The following STARD9 variants were observed in gnomAD, a reference collection of about 807,000 sequenced individuals.
The protein encoded by STARD9 is StAR related lipid transfer domain containing 9.
Under a neutral mutation model 399.8 loss-of-function variants are expected in STARD9, and 346 were observed. That is an observed-to-expected ratio of 0.87 (90% confidence interval 0.79 to 0.95). The LOEUF (loss-of-function observed/expected upper bound fraction) is 0.95, where lower values mean the gene tolerates loss of function less well. Ranked by LOEUF, STARD9 falls within the 40% of genes least tolerant of loss-of-function variation. STARD9 has a pLI of 0.00. For missense variants in STARD9, 5,832 were observed against 5,667.5 expected (o/e 1.03, Z -0.93); for synonymous variants, 2,203 against 2,143.5 (o/e 1.03, Z -0.77).
intron 3 of STARD9, among the ~76,000 whole-genome samples, chr15:42,632,399 T>G (rs1219797578): frequency 1.3e-5 from 2 of 152,158 alleles, no homozygotes; most frequent in Non-Finnish European, 2.9e-5. Context: ...AACTCTGTCT[T>G]TTGATTGGAG....
chr15:42,649,928 G>T (rs544853572), intron 7 of STARD9, among the ~76,000 whole-genome samples: 2 of 146,718 alleles, frequency 1.4e-5, no homozygotes, highest in Non-Finnish European at 3.0e-5. Context: ...GTGCAATGGC[G>T]CGATCTCGAC....
intron 7 of STARD9, 52 bp from the exon 8 acceptor site, chr15:42,650,964 G>C (rs2059750539): frequency 1.5e-6 from 2 of 1,336,212 alleles, no homozygotes; most frequent in East Asian, 5.2e-5. Context: ...AAAGGTTAAA[G>C]TTTACCAAAA....
At chr15:42,609,504 A>G (rs867988896) in intron 3 of STARD9, among the ~76,000 whole-genome samples, 36 of 151,772 alleles carry the variant, frequency 2.4e-4, no homozygotes, top group Admixed American at 8.5e-4. Flanking sequence ...CAGTGGCACA[A>G]TCTTGACTCA....
intron 3 of STARD9, among the ~76,000 whole-genome samples, chr15:42,595,505 A>C (rs1212071524): frequency 6.6e-6 from 1 of 152,196 alleles, no homozygotes; most frequent in Non-Finnish European, 1.5e-5. Context: ...TATGACTGAC[A>C]AGATAGGACT....
At chr15:42,677,019 G>A (rs550235845) in intron 20 of STARD9, among the ~76,000 whole-genome samples, 5 of 150,684 alleles carry the variant, frequency 3.3e-5, no homozygotes, top group South Asian at 2.1e-4. Flanking sequence ...TTGGGAGGCC[G>A]AGGTGGGTGG....
intron 3 of STARD9, among the ~76,000 whole-genome samples, chr15:42,617,868 C>T (rs1334058663): frequency 6.6e-6 from 1 of 152,028 alleles, no homozygotes; most frequent in Non-Finnish European, 1.5e-5. Context: ...ATACTTCCAC[C>T]CCAGCCTCAG....
intron 10 of STARD9, 98 bp downstream of exon 10, chr15:42,661,323 A>G (rs1228349441): frequency 1.2e-6 from 1 of 864,534 alleles, no homozygotes; most frequent in Non-Finnish European, 1.8e-6. Context: ...AGTCATCCTG[A>G]GAGTATTACA....
intron 2 of STARD9, among the ~76,000 whole-genome samples, chr15:42,583,695 TG>T (rs1437477312): frequency 6.6e-6 from 1 of 152,178 alleles, no homozygotes; most frequent in Non-Finnish European, 1.5e-5. Flanking sequence ...TGGGATGTTT[TG>T]GGGGCAATAG....
chr15:42,592,548 A>T (rs1172239158), intron 3 of STARD9, among the ~76,000 whole-genome samples: 1 of 151,952 alleles, frequency 6.6e-6, no homozygotes, highest in Non-Finnish European at 1.5e-5. Context: ...GGTTTCTAGC[A>T]ATTCTCCTGC....
In STARD9 at chr15:42,601,004, G is replaced by C. The variant is rs1355323544; in HGVS notation, c.234+15367G>C. Among the ~76,000 whole-genome samples the C allele has an allele frequency of 3.3e-5, 5 of 152,154 alleles. No individual in the cohort carries two copies. The East Asian group carries it at 7.7e-4, about 23-fold the overall frequency. On this transcript the variant is annotated intron_variant, in intron 3 of 32. Transcript: ENST00000290607. ...GAGGTCTCTGGTTTTACTAGGCAGA[G>C]AGCCCTGCCGCCTTCAGCAGTGTTT...
At chr15:42,708,762 C>G (rs1166253125) in intron 26 of STARD9, among the ~76,000 whole-genome samples, 1 of 151,656 alleles carries the variant, frequency 6.6e-6, no homozygotes, top group African/African-American at 2.4e-5. Flanking sequence ...TGTGAAAACC[C>G]GATCGTCATG....
At chr15:42,606,380 G>C (rs912144830) in intron 3 of STARD9, among the ~76,000 whole-genome samples, 5 of 152,210 alleles carry the variant, frequency 3.3e-5, no homozygotes, top group African/African-American at 4.8e-5. Flanking sequence ...AAAAGACCAA[G>C]AGTCATGAAT....
rs2060717243 is a variant in STARD9 at position 42,691,930 on chromosome 15, G to A, written c.10352G>A (p.Cys3451Tyr). 2.6e-6 allele frequency: 4 copies of A among 1,537,128 alleles called. No individual in the cohort carries two copies. Among genetic ancestry groups the A allele is most frequent in the African/African-American group, 1.4e-5 (1 of 73,040 alleles). Residue 3451 changes from cysteine (C) to tyrosine (Y), a missense_variant, in exon 23 of 33, where the codon TGC becomes TAC. Coordinates refer to ENST00000290607, the MANE Select transcript of STARD9 (RefSeq NM_020759.3). ...LGVQVRPENW[C>Y]SQMDKGMLHF... ...GTCCAGGTTAGGCCAGAAAATTGGT[G>A]CTCTCAGATGGACAAAGGAATGCTG...
rs768951035 is a variant in STARD9, at chr15:42,638,035, G to A, written c.394G>A (p.Val132Ile). Residue 132 changes from valine (V) to isoleucine (I), a missense_variant, in exon 6 of 33, where the codon GTC becomes ATC. Physicochemically the swap from Val to Ile is conservative, Grantham distance 29 (BLOSUM62 3). This residue lies in a region of STARD9 where 5,828 missense variants were observed against 5,651.1 expected (regional missense o/e 1.03). Transcript: ENST00000290607. ...CCTCTGGTTTGTGCAGGGTCTCTTC[G>A]TCAGGGAGAAAGACTGTGCCTCACT... Reference protein sequence around the residue: ...LTPRICEGLFVREKDCASLPS... With the variant: ...LTPRICEGLFIREKDCASLPS... The A allele has an allele frequency of 1.4e-5, 22 of 1,537,198 alleles. No homozygotes were observed. The highest frequency in any genetic ancestry group is 5.9e-5 in the South Asian group (5 of 84,066).
In STARD9 at chr15:42,693,788, A is replaced by G. The variant is rs950376665; in HGVS notation, c.12210A>G (p.Gln4070=). Residue 4070 remains glutamine (Q), a synonymous_variant, in exon 23 of 33, where the codon CAA becomes CAG. Coordinates refer to ENST00000290607, the MANE Select transcript of STARD9 (RefSeq NM_020759.3). The part of the protein sequence containing the change: ...GESSASPGEP[Q]RTLDRPSSWG... ...GTTCAGCATCTCCAGGGGAACCACA[A>G]CGCACTCTGGACCGACCTTCTTCAT... is the stretch of plus-strand genomic sequence containing the variant. The G allele has an allele frequency of 5.9e-6, 9 of 1,536,224 alleles. No homozygotes were observed. In the African/African-American group the frequency reaches 6.8e-5, roughly 12 times the overall value.
rs1404810624 is a variant in STARD9, at chr15:42,689,885, A to G, written c.8307A>G (p.Ala2769=). The G allele has an allele frequency of 1.3e-6, 2 of 1,537,642 alleles. No individual in the cohort carries two copies. Among genetic ancestry groups the G allele is most frequent in the African/African-American group, 1.4e-5 (1 of 73,158 alleles). The change falls in exon 23 of 33, where the codon GCA becomes GCG. Residue 2769 remains alanine (A), a synonymous_variant. Transcript: ENST00000290607. ...GTCAGTCAGTTCCGCAGGAGACTGC[A>G]GAGGGCATACCCCCTGGCAGTCAGG... ...ELSQSVPQET[A]EGIPPGSQDS... is the part of the protein sequence containing the mutation.
chr15:42,575,612 G>T lies in STARD9; in HGVS notation c.-104G>T, dbSNP rs2058035049. On this transcript the variant is annotated 5_prime_UTR_variant, in exon 1 of 33. Transcript: ENST00000290607. Reference sequence around the variant, plus strand: ...TCCGCGCGGCGGCGTCCCCAGAGGCGCGTGGGGCGGGCGGGGCTGGGTTGG... The same window carrying T: ...TCCGCGCGGCGGCGTCCCCAGAGGCTCGTGGGGCGGGCGGGGCTGGGTTGG... The T allele has an allele frequency of 1.5e-6, 2 of 1,293,588 alleles. No individual in the cohort carries two copies. Among genetic ancestry groups the T allele is most frequent in the Non-Finnish European group, 2.1e-6 (2 of 946,270 alleles). 80.1% of individuals were successfully genotyped at this position (1,293,588 alleles called of 1,614,324 possible).
chr15:42,648,991 C>T (rs897403261), intron 7 of STARD9, among the ~76,000 whole-genome samples: 2 of 152,094 alleles, frequency 1.3e-5, no homozygotes, highest in South Asian at 2.1e-4. Context: ...CCTGCCTCAG[C>T]CTCCCAAGTA....
Position 42,720,776 on chromosome 15 carries a change from C to T in STARD9, c.*1202C>T, listed in dbSNP as rs554997165. The T allele has an allele frequency of 6.6e-6, 1 of 152,212 alleles. No homozygotes were observed. The highest frequency in any genetic ancestry group is 1.5e-5 in the Non-Finnish European group (1 of 67,994). The allele number at this position is 152,212 out of a possible 1,614,324, so 9.4% of individuals were successfully genotyped here. On this transcript the variant is annotated 3_prime_UTR_variant, in exon 33 of 33. Coordinates refer to ENST00000290607, the MANE Select transcript of STARD9 (RefSeq NM_020759.3). ...GAGATGTGTTTTTCTAAAGTGTTTG[C>T]AGGGCATTTTTCCCTCTTACCTCAG...
Sources: gnomAD v4.1 joint callset for allele counts (sites outside exome capture counted in the v4.1 genomes callset) on GRCh38, gnomAD v4.1.1 for gene constraint, gnomAD v4.1.1 regional missense constraint, MANE v1.5 for transcripts, NCBI Gene and HGNC (gene_info 2026-07-23, HGNC 2026-07-21) for gene names.